The following FMO1 variants were observed in gnomAD, a reference collection of about 807,000 sequenced individuals.
FMO1 encodes flavin-containing monooxygenase 1.
A neutral mutation model predicts 45.4 loss-of-function variants in FMO1; 36 were observed. That is an observed-to-expected ratio of 0.79 (90% CI 0.61 to 1.05). FMO1 has a LOEUF of 1.05. Ranked by LOEUF, FMO1 falls within the 50% of genes least tolerant of loss-of-function variation. FMO1 has a pLI of 0.00. For missense variants in FMO1, 615 were observed against 640.3 expected (o/e 0.96, Z 0.43); for synonymous variants, 228 against 227.2 (o/e 1.00, Z -0.03).
intron 3 of FMO1, 79 bp downstream of exon 3, chr1:171,267,810 C>A: frequency 9.0e-7 from 1 of 1,116,314 alleles, no homozygotes; most frequent in Non-Finnish European, 1.3e-6. Flanking sequence ...TAGCCCTGGG[C>A]TCTGTAGATG....
At chr1:171,249,227 T>C (rs4916192) in intron 1 of FMO1, among the ~76,000 whole-genome samples, 88,072 of 151,938 alleles carry the variant, frequency 0.58, 28,105 homozygotes, top group African/African-American at 0.85. Context: ...CCTGCTCCAG[T>C]TAAATTCACA....
chr1:171,278,760 T>A lies in FMO1; in HGVS notation c.516T>A (p.His172Gln), dbSNP rs145849541. 4.2e-5 allele frequency: 67 copies of A among 1,610,712 alleles called. No homozygotes were observed. The highest frequency in any genetic ancestry group is 5.6e-5 in the Non-Finnish European group (66 of 1,177,596). Reference protein sequence around the residue: ...GINAFKGQYFHSRQYKHPDIF... With the variant: ...GINAFKGQYFQSRQYKHPDIF... ...ATGCCTTTAAAGGCCAGTACTTTCA[T>A]AGCCGGCAATATAAGCATCCAGATA... The change falls in exon 5 of 9, where the codon CAT (histidine) becomes CAA (glutamine). Residue 172 changes from histidine (H) to glutamine (Q), a missense_variant. Coordinates refer to ENST00000617670, the MANE Select transcript of FMO1 (RefSeq NM_001282693.2).
intron 5 of FMO1, 101 bp from the exon 6 acceptor site, chr1:171,280,685 T>G: frequency 1.0e-6 from 1 of 957,354 alleles, no homozygotes; most frequent in Non-Finnish European, 1.7e-6. Context: ...AGTGGCAGAC[T>G]TTTCAGTGCC....
intron 1 of FMO1, among the ~76,000 whole-genome samples, chr1:171,256,530 T>TA (rs1414976949): frequency 6.6e-6 from 1 of 152,072 alleles, no homozygotes; most frequent in African/African-American, 2.4e-5. Flanking sequence ...CTTCAGGGCC[T>TA]AAAACATGAA....
intron 1 of FMO1, among the ~76,000 whole-genome samples, chr1:171,255,118 C>T (rs1222804607): frequency 6.6e-6 from 1 of 152,184 alleles, no homozygotes; most frequent in Admixed American, 6.5e-5. Flanking sequence ...TGTTATAGGG[C>T]ATTTCGTTTC....
chr1:171,278,962 A>T (rs1661239799), intron 5 of FMO1, 91 bp downstream of exon 5: 2 of 1,011,536 alleles, frequency 2.0e-6, no homozygotes, highest in Non-Finnish European at 2.7e-6. Flanking sequence ...ATGTTAAAGG[A>T]ATAAAATGTC....
At chr1:171,271,750 G>A in intron 3 of FMO1, 1 of 473,846 alleles carries the variant, frequency 2.1e-6, no homozygotes, top group East Asian at 3.5e-5. Flanking sequence ...GATGATTTAG[G>A]GTATCTGGCA....
intron 2 of FMO1, among the ~76,000 whole-genome samples, chr1:171,264,021 T>G (rs1660497236): frequency 6.6e-6 from 1 of 152,182 alleles, no homozygotes; most frequent in African/African-American, 2.4e-5. Flanking sequence ...AGTATTGGTC[T>G]TAGATTTTAT....
intron 3 of FMO1, chr1:171,270,779 G>A (rs1660822992): frequency 1.1e-6 from 1 of 889,220 alleles, no homozygotes; most frequent in Non-Finnish European, 1.5e-6. Context: ...CCAGGAGAGG[G>A]CTATCTAAAG....
intron 3 of FMO1, among the ~76,000 whole-genome samples, chr1:171,268,044 G>A (rs973977390): frequency 3.3e-5 from 5 of 152,174 alleles, no homozygotes; most frequent in African/African-American, 1.2e-4. Flanking sequence ...CATGGACACT[G>A]AGAACCACCA....
intron 1 of FMO1, among the ~76,000 whole-genome samples, chr1:171,250,362 G>C (rs1659830334): frequency 6.6e-6 from 1 of 152,174 alleles, no homozygotes; most frequent in Non-Finnish European, 1.5e-5. Context: ...TATTAAAACT[G>C]TTAACTACTT....
rs569699083 is a variant in FMO1, at chr1:171,268,543, T to G, written c.321+812T>G. 7.2e-5 allele frequency among the ~76,000 whole-genome samples: 11 copies of G among 152,360 alleles called. No individual in the cohort carries two copies. In the East Asian group the frequency reaches 1.2e-3, roughly 16 times the overall value. On this transcript the variant is annotated intron_variant, in intron 3 of 8. Coordinates refer to ENST00000617670, the MANE Select transcript of FMO1 (RefSeq NM_001282693.2). ...CTACAATGCCCCCTTCCTCTCCCAT[T>G]TCAGAGGCTGGAGACAGGAGGAAGG...
intron 4 of FMO1, among the ~76,000 whole-genome samples, chr1:171,275,726 C>T (rs1661081928): frequency 6.6e-6 from 1 of 151,900 alleles, no homozygotes; most frequent in South Asian, 2.1e-4. Flanking sequence ...TACATAAGAG[C>T]AAAATGGATA....
chr1:171,254,812 G>A (rs4433435), intron 1 of FMO1, among the ~76,000 whole-genome samples: 183 of 152,062 alleles, frequency 1.2e-3, no homozygotes, highest in African/African-American at 4.1e-3. Flanking sequence ...AATAGTAATC[G>A]TCTGTGTTGT....
chr1:171,250,954 G>T (rs1267921603), intron 1 of FMO1, among the ~76,000 whole-genome samples: 1 of 152,138 alleles, frequency 6.6e-6, no homozygotes, highest in Non-Finnish European at 1.5e-5. Context: ...TAGTTATGGA[G>T]ATAGACACAA....
intron 1 of FMO1, among the ~76,000 whole-genome samples, chr1:171,252,986 T>TG (rs1402319625): frequency 1.1e-4 from 16 of 152,234 alleles, no homozygotes; most frequent in Admixed American, 5.2e-4. Flanking sequence ...AGAGTGAAGC[T>TG]GATATTGATA....
At chr1:171,260,659 G>T (rs572068758) in intron 2 of FMO1, among the ~76,000 whole-genome samples, 1 of 152,098 alleles carries the variant, frequency 6.6e-6, no homozygotes, top group Non-Finnish European at 1.5e-5. Flanking sequence ...AGCCAGGCAC[G>T]GTGGCTCACG....
In FMO1 at chr1:171,282,127, T is replaced by G. The variant is rs898942920; in HGVS notation, c.977T>G (p.Val326Gly). The change falls in exon 7 of 9, where the codon GTC (valine) becomes GGC (glycine). Residue 326 changes from valine to glycine, a missense_variant. Coordinates refer to ENST00000617670, the MANE Select transcript of FMO1 (RefSeq NM_001282693.2). ...AAGGAAGAGCCTATTGACATCATTG[T>G]CTTTGCCACTGGATACACATTTGCT... ...TSKEEPIDIIVFATGYTFAFP... is the reference protein window; with the variant it reads ...TSKEEPIDIIGFATGYTFAFP... 1 of 1,614,052 alleles carries G rather than the reference T, an allele frequency of 6.2e-7. No homozygotes were observed. Among genetic ancestry groups the G allele is most frequent in the African/African-American group, 1.3e-5 (1 of 75,040 alleles).
intron 1 of FMO1, chr1:171,257,765 G>C (rs2101798887): frequency 2.8e-6 from 1 of 359,918 alleles, no homozygotes; most frequent in African/African-American, 2.1e-5. Flanking sequence ...GAGACTAGAG[G>C]CAGCAGCTCA....
Sources: allele counts gnomAD v4.1 joint callset (sites outside exome capture counted in the v4.1 genomes callset), GRCh38; gene constraint gnomAD v4.1.1; transcripts MANE v1.5; gene names NCBI Gene and HGNC (gene_info 2026-07-23, HGNC 2026-07-21).